The following COL6A6 variants were observed in gnomAD, a reference collection of about 807,000 sequenced individuals.
COL6A6 encodes collagen alpha-6(VI) chain.
COL6A6 carries 183 observed loss-of-function variants against 208.6 expected under a neutral mutation model. That is an observed-to-expected ratio of 0.88 (90% CI 0.78 to 0.99). The LOEUF (loss-of-function observed/expected upper bound fraction) is 0.99, where lower values mean the gene tolerates loss of function less well. Ranked by LOEUF, COL6A6 falls within the 50% of genes least tolerant of loss-of-function variation. The pLI, the probability that COL6A6 is intolerant of heterozygous loss-of-function variation, is 0.00. For synonymous variants in COL6A6, 973 were observed against 1,011.8 expected (o/e 0.96, Z 0.73); for missense variants, 2,816 against 2,815.2 (o/e 1.00, Z -0.01).
At chr3:130,638,754 G>A (rs2108351814) in intron 28 of COL6A6, among the ~76,000 whole-genome samples, 1 of 152,324 alleles carries the variant, frequency 6.6e-6, no homozygotes, top group South Asian at 2.1e-4. Flanking sequence ...TTTGAAGGCT[G>A]TCATTCCTCC....
intron 1 of COL6A6, among the ~76,000 whole-genome samples, chr3:130,545,953 C>A (rs939659743): frequency 7.2e-5 from 11 of 152,100 alleles, no homozygotes; most frequent in African/African-American, 2.4e-4. Context: ...CCTAGTATTC[C>A]CATTTTGCAC....
At chr3:130,668,887 A>G (rs1044797336) in intron 36 of COL6A6, among the ~76,000 whole-genome samples, 4 of 152,226 alleles carry the variant, frequency 2.6e-5, no homozygotes, top group African/African-American at 9.6e-5. Context: ...ATAAGTAACA[A>G]ATGATTTAAT....
intron 33 of COL6A6, among the ~76,000 whole-genome samples, chr3:130,656,132 C>T (rs2065782819): frequency 6.6e-6 from 1 of 152,226 alleles, no homozygotes; most frequent in Admixed American, 6.5e-5. Context: ...CAGAGGGCTG[C>T]AGCTCTTCTC....
At chr3:130,520,589 G>C (rs1050984222) in intron 1 of COL6A6, among the ~76,000 whole-genome samples, 1 of 152,126 alleles carries the variant, frequency 6.6e-6, no homozygotes, top group Non-Finnish European at 1.5e-5. Flanking sequence ...GCACTTAGTA[G>C]GTATTCAGTA....
At chr3:130,523,661 A>C (rs140019937) in intron 1 of COL6A6, among the ~76,000 whole-genome samples, 2 of 152,314 alleles carry the variant, frequency 1.3e-5, no homozygotes, top group African/African-American at 4.8e-5. Flanking sequence ...GCCTTGCCTC[A>C]TGATGTTTTG....
intron 36 of COL6A6, among the ~76,000 whole-genome samples, chr3:130,673,736 C>T (rs2066291544): frequency 6.6e-6 from 1 of 152,128 alleles, no homozygotes; most frequent in Non-Finnish European, 1.5e-5. Context: ...GGCAAGAAGA[C>T]TGTTTGACCC....
intron 23 of COL6A6, among the ~76,000 whole-genome samples, chr3:130,619,106 G>A (rs1576341551): frequency 6.6e-6 from 1 of 152,250 alleles, no homozygotes; most frequent in East Asian, 1.9e-4. Context: ...TGGGTTCTAG[G>A]TATCCTATGA....
chr3:130,604,828 G>A (rs2064135983), intron 20 of COL6A6, among the ~76,000 whole-genome samples: 3 of 152,172 alleles, frequency 2.0e-5, no homozygotes, highest in East Asian at 3.9e-4. Flanking sequence ...TGAAAATGGA[G>A]GTCTGTTCCA....
intron 33 of COL6A6, among the ~76,000 whole-genome samples, chr3:130,650,626 AAAG>A (rs1280583229): frequency 2.0e-5 from 3 of 152,028 alleles, no homozygotes; most frequent in Non-Finnish European, 4.4e-5. Context: ...AAAAAAGAAA[AAAG>A]AAAAAGGCCA....
intron 28 of COL6A6, 31 bp downstream of exon 28, chr3:130,635,792 C>T: frequency 6.6e-7 from 1 of 1,509,032 alleles, no homozygotes; most frequent in Non-Finnish European, 9.2e-7. Context: ...TTGCTGACAA[C>T]CTCACTACAT....
intron 8 of COL6A6, among the ~76,000 whole-genome samples, chr3:130,578,272 G>A (rs1304818872): frequency 6.6e-6 from 1 of 152,134 alleles, no homozygotes; most frequent in Non-Finnish European, 1.5e-5. Context: ...TTTGATTCAA[G>A]AGATGTGAAA....
At chr3:130,614,490 C>A (rs1278017340) in intron 23 of COL6A6, among the ~76,000 whole-genome samples, 4 of 152,072 alleles carry the variant, frequency 2.6e-5, no homozygotes, top group Non-Finnish European at 5.9e-5. Flanking sequence ...TGTGTCTCTG[C>A]CAGGTTTTGG....
intron 26 of COL6A6, among the ~76,000 whole-genome samples, chr3:130,634,242 TA>T (rs202193097): frequency 0.082 from 1,921 of 23,554 alleles, 30 homozygotes; most frequent in Middle Eastern, 0.11. Context: ...AATAAATAAA[TA>T]AAAAAAAAAA....
chr3:130,524,532 C>T (rs571124016), intron 1 of COL6A6, among the ~76,000 whole-genome samples: 1 of 152,134 alleles, frequency 6.6e-6, no homozygotes, highest in South Asian at 2.1e-4. Flanking sequence ...GTTGGAGTCC[C>T]ACCTCATTTT....
intron 2 of COL6A6, among the ~76,000 whole-genome samples, chr3:130,562,748 T>C (rs1048908293): frequency 6.6e-6 from 1 of 152,134 alleles, no homozygotes; most frequent in Non-Finnish European, 1.5e-5. Context: ...AAACCCATGA[T>C]TTTTTATTTC....
At chr3:130,560,195 A>G (rs1198723200) in intron 1 of COL6A6, 139 bp from the exon 2 acceptor site, 4 of 542,244 alleles carry the variant, frequency 7.4e-6, no homozygotes, top group Non-Finnish European at 1.3e-5. Context: ...CATTTCACAT[A>G]TTAGAAGGTC....
At chr3:130,519,474 T>G (rs1240216085) in intron 1 of COL6A6, among the ~76,000 whole-genome samples, 1 of 152,238 alleles carries the variant, frequency 6.6e-6, no homozygotes, top group Admixed American at 6.5e-5. Flanking sequence ...TTTCTATGCT[T>G]CTTCTTATGC....
intron 36 of COL6A6, among the ~76,000 whole-genome samples, chr3:130,670,503 T>C (rs777448035): frequency 2.0e-5 from 3 of 152,146 alleles, no homozygotes; most frequent in Non-Finnish European, 4.4e-5. Flanking sequence ...AGAGACTTGG[T>C]TCACTTGCCA....
chr3:130,517,628 C>G (rs76430702), intron 1 of COL6A6, among the ~76,000 whole-genome samples: 1 of 152,256 alleles, frequency 6.6e-6, no homozygotes, highest in Non-Finnish European at 1.5e-5. Flanking sequence ...TCGCATCCGA[C>G]TGTTGAAGAA....
Sources: gnomAD v4.1 joint callset for allele counts (sites outside exome capture counted in the v4.1 genomes callset) on GRCh38, gnomAD v4.1.1 for gene constraint, MANE v1.5 for transcripts, NCBI Gene and HGNC (gene_info 2026-07-23, HGNC 2026-07-21) for gene names.